ARHGAP31: variants seen among roughly 807,000 people sequenced by gnomAD.
ARHGAP31 encodes the protein rho GTPase-activating protein 31.
A neutral mutation model predicts 113.9 loss-of-function variants in ARHGAP31; 34 were observed. The observed-to-expected ratio is 0.30, with a 90% confidence interval of 0.23 to 0.40. The LOEUF (loss-of-function observed/expected upper bound fraction) is 0.40, where lower values mean the gene tolerates loss of function less well. Among genes scored for constraint, ARHGAP31 ranks in the 10% least tolerant of loss-of-function variants. The probability of loss-of-function intolerance (pLI) is 1.00; values close to 1 mark genes in which losing one functional copy is unlikely to be tolerated. For synonymous variants in ARHGAP31, 650 were observed against 684.8 expected (o/e 0.95, Z 0.79); for missense variants, 1,548 against 1,767.1 (o/e 0.88, Z 2.22).
chr3:119,388,478 GC>G (rs543499355), intron 6 of ARHGAP31, among the ~76,000 whole-genome samples: 43 of 152,198 alleles, frequency 2.8e-4, no homozygotes, highest in African/African-American at 1.0e-3. Context: ...TTTTGAGCAG[GC>G]CAGTGCAGGA....
intron 1 of ARHGAP31, among the ~76,000 whole-genome samples, chr3:119,353,827 C>A (rs568912393): frequency 6.6e-6 from 1 of 151,114 alleles, no homozygotes; most frequent in Admixed American, 6.6e-5. Context: ...GCTCAGGGAC[C>A]ACTGCATACT....
In ARHGAP31 at chr3:119,370,691, A is replaced by C. The variant is rs568441655; in HGVS notation, c.348+2175A>C. On this transcript the variant is annotated intron_variant, in intron 3 of 11. Transcript: ENST00000264245. ...TCTTTGTGTGTTAAGAAATACGGGA[A>C]GACACTGTGTTTACAGCATTCTCTC... Among the ~76,000 whole-genome samples, 9 of 152,328 alleles carry C rather than the reference A, an allele frequency of 5.9e-5. No homozygotes were observed. In the South Asian group the frequency reaches 1.9e-3, roughly 32 times the overall value.
chr3:119,337,604 T>A (rs1299259775), intron 1 of ARHGAP31, among the ~76,000 whole-genome samples: 1 of 152,182 alleles, frequency 6.6e-6, no homozygotes, highest in Non-Finnish European at 1.5e-5. Context: ...TACAGAGAGC[T>A]GATTGGTCCG....
chr3:119,300,846 G>A (rs6778692), intron 1 of ARHGAP31, among the ~76,000 whole-genome samples: 5,314 of 81,478 alleles, frequency 0.065, 123 homozygotes, highest in African/African-American at 0.14. Flanking sequence ...AAAAAAAAAA[G>A]AAAGAAAGAA....
rs3732414 is a variant in ARHGAP31, at chr3:119,415,544, C to T, written c.3615C>T (p.Pro1205=). The part of the protein sequence containing the change: ...CQARAVPVIP[P]KIQYTQIPQP... Reference sequence around the variant, plus strand: ...CCAGGGCGGTCCCAGTCATCCCTCCCAAGATTCAGTACACCCAGATCCCAC... The same window carrying T: ...CCAGGGCGGTCCCAGTCATCCCTCCTAAGATTCAGTACACCCAGATCCCAC... Residue 1205 remains proline, a synonymous_variant, in exon 12 of 12, where the codon CCC becomes CCT. Transcript: ENST00000264245. 63,918 of 1,613,972 alleles carry T rather than the reference C, an allele frequency of 0.04. 4,995 individuals are homozygous for T. Among genetic ancestry groups the T allele is most frequent in the African/African-American group, 0.34 (25,451 of 74,888 alleles).
At chr3:119,384,827 C>A (rs6789366) in intron 6 of ARHGAP31, among the ~76,000 whole-genome samples, 1 of 151,926 alleles carries the variant, frequency 6.6e-6, no homozygotes, top group Non-Finnish European at 1.5e-5. Context: ...TTTCCTCCCC[C>A]ACAGGCCCTG....
At chr3:119,379,652 A>G (rs1158552617) in intron 3 of ARHGAP31, among the ~76,000 whole-genome samples, 1 of 152,196 alleles carries the variant, frequency 6.6e-6, no homozygotes, top group African/African-American at 2.4e-5. Context: ...GCAAGTTTCC[A>G]GCACTGGTAG....
At chr3:119,387,233 G>A (rs953876335) in intron 6 of ARHGAP31, among the ~76,000 whole-genome samples, 5 of 152,338 alleles carry the variant, frequency 3.3e-5, no homozygotes, top group Middle Eastern at 3.4e-3. Context: ...CTAGACCAAG[G>A]AGCCCTTCTG....
chr3:119,337,174 T>A (rs192597619), intron 1 of ARHGAP31, among the ~76,000 whole-genome samples: 194 of 152,206 alleles, frequency 1.3e-3, no homozygotes, highest in African/African-American at 4.4e-3. Context: ...TGGCAGTGAG[T>A]GTTACAGTTC....
At chr3:119,368,768 C>T (rs1358629682) in intron 3 of ARHGAP31, among the ~76,000 whole-genome samples, 1 of 152,154 alleles carries the variant, frequency 6.6e-6, no homozygotes, top group Non-Finnish European at 1.5e-5. Context: ...GTTTATTCAA[C>T]TGAATGTGCC....
At chr3:119,361,652 G>A (rs1407587734) in intron 1 of ARHGAP31, among the ~76,000 whole-genome samples, 1 of 152,174 alleles carries the variant, frequency 6.6e-6, no homozygotes. Flanking sequence ...AAAGTGCTGG[G>A]ATTACAGGCG....
At chr3:119,306,448 A>G (rs551832541) in intron 1 of ARHGAP31, among the ~76,000 whole-genome samples, 35 of 152,250 alleles carry the variant, frequency 2.3e-4, no homozygotes, top group African/African-American at 6.0e-4. Context: ...TCCCAGCTAC[A>G]TGGGAGGCTG....
At position 119,402,348 on chromosome 3, in the gene ARHGAP31, C is replaced by T; in HGVS notation, c.1596C>T (p.Ser532=). Residue 532 remains serine (S), a synonymous_variant, in exon 10 of 12, where the codon AGC becomes AGT. Transcript: ENST00000264245. ...LEEFSFHGSE[S]GGWPEEEKPL... is the part of the protein sequence containing the mutation. ...AGTTTTCTTTTCATGGATCAGAGAGCGGAGGCTGGCCAGAAGAAGAGAAAC... is the reference window on the plus strand; with the variant it reads ...AGTTTTCTTTTCATGGATCAGAGAGTGGAGGCTGGCCAGAAGAAGAGAAAC... 2.5e-6 allele frequency: 4 copies of T among 1,613,754 alleles called. No individual in the cohort carries two copies. Among genetic ancestry groups the T allele is most frequent in the African/African-American group, 2.7e-5 (2 of 75,050 alleles).
chr3:119,344,120 A>G (rs930058918), intron 1 of ARHGAP31, among the ~76,000 whole-genome samples: 2 of 152,270 alleles, frequency 1.3e-5, no homozygotes, highest in African/African-American at 4.8e-5. Flanking sequence ...TAGACGCTGG[A>G]CTAAAATTTG....
At chr3:119,297,090 T>G (rs1022033947) in intron 1 of ARHGAP31, among the ~76,000 whole-genome samples, 1 of 152,256 alleles carries the variant, frequency 6.6e-6, no homozygotes, top group African/African-American at 2.4e-5. Flanking sequence ...ATCCACACAC[T>G]GTTATTGTGC....
At chr3:119,361,131 A>T (rs2080202700) in intron 1 of ARHGAP31, among the ~76,000 whole-genome samples, 1 of 152,242 alleles carries the variant, frequency 6.6e-6, no homozygotes, top group African/African-American at 2.4e-5. Context: ...TTTGAGACTT[A>T]ACAATAGCCA....
Position 119,360,360 on chromosome 3 carries a change from T to C in ARHGAP31, c.101-4956T>C, listed in dbSNP as rs544518179. 1.6e-3 allele frequency among the ~76,000 whole-genome samples: 249 copies of C among 152,248 alleles called. 1 individual carries two copies. Among genetic ancestry groups the C allele is most frequent in the Middle Eastern group, 3.4e-3 (1 of 294 alleles). ...ACCTTAACAAAATCCAGAATGGAGA[T>C]GGGGGAGTGCCTGTTTCCCTAAAAC... On this transcript the variant is annotated intron_variant, in intron 1 of 11. Transcript: ENST00000264245.
At position 119,402,050 on chromosome 3, in the gene ARHGAP31, A is replaced by C; in HGVS notation, c.1298A>C (p.Lys433Thr). 1 of 1,614,162 alleles carries C rather than the reference A, an allele frequency of 6.2e-7. No individual in the cohort carries two copies. Among genetic ancestry groups the C allele is most frequent in the Non-Finnish European group, 8.5e-7 (1 of 1,180,030 alleles). The change falls in exon 10 of 12, where the codon AAG becomes ACG. Residue 433 changes from lysine (K) to threonine (T), a missense_variant. Coordinates refer to ENST00000264245, the MANE Select transcript of ARHGAP31 (RefSeq NM_020754.4). ...GCCCGGCCCCCACCGGAACAGCTGA[A>C]GGTTTTCCGGCCTGTTGAGGATCCG... ...AQARPPPEQL[K>T]VFRPVEDPES... is the part of the protein sequence containing the mutation.
At chr3:119,372,250 C>T (rs1304389482) in intron 3 of ARHGAP31, among the ~76,000 whole-genome samples, 1 of 151,726 alleles carries the variant, frequency 6.6e-6, no homozygotes, top group Non-Finnish European at 1.5e-5. Flanking sequence ...TTCATTTCTC[C>T]CCAACCTCAC....
Sources: allele counts gnomAD v4.1 joint callset (sites outside exome capture counted in the v4.1 genomes callset), GRCh38; gene constraint gnomAD v4.1.1; transcripts MANE v1.5; gene names NCBI Gene and HGNC (gene_info 2026-07-23, HGNC 2026-07-21).